SLIT1: variants seen among roughly 807,000 people sequenced by gnomAD.
The protein encoded by SLIT1 is slit homolog 1 protein.
SLIT1 carries 66 observed loss-of-function variants against 186.1 expected under a neutral mutation model. That is an observed-to-expected ratio of 0.35 (90% CI 0.29 to 0.44). SLIT1 has a LOEUF of 0.44. Ranked by LOEUF, SLIT1 falls within the 20% of genes least tolerant of loss-of-function variation. The pLI, the probability that SLIT1 is intolerant of heterozygous loss-of-function variation, is 1.00. For synonymous variants in SLIT1, 761 were observed against 833.8 expected, an observed-to-expected ratio of 0.91 and a Z score of 1.50; for missense variants, 1,638 against 2,037.4, an observed-to-expected ratio of 0.80 and a Z score of 3.77.
chr10:97,053,802 T>C (rs1848812383), intron 13 of SLIT1, among the ~76,000 whole-genome samples: 1 of 152,212 alleles, frequency 6.6e-6, no homozygotes, highest in Admixed American at 6.5e-5. Context: ...ATAAGGATTC[T>C]GTTTTAAAGC....
chr10:97,086,095 T>C (rs954108344), intron 4 of SLIT1, among the ~76,000 whole-genome samples: 2 of 152,238 alleles, frequency 1.3e-5, no homozygotes, highest in African/African-American at 4.8e-5. Flanking sequence ...CCAGTGATCA[T>C]GCTCCTTGGC....
At chr10:97,185,429 G>A (rs981551745) in intron 1 of SLIT1, 49 bp downstream of exon 1, 3 of 1,570,938 alleles carry the variant, frequency 1.9e-6, no homozygotes, top group African/African-American at 1.4e-5. Flanking sequence ...GCGTCTGGGT[G>A]GGAGGGCAAC....
intron 21 of SLIT1, among the ~76,000 whole-genome samples, chr10:97,039,650 A>C (rs1848672943): frequency 1.3e-5 from 2 of 152,228 alleles, no homozygotes; most frequent in Non-Finnish European, 1.5e-5. Flanking sequence ...CTGCTGGTGC[A>C]AAAATCACAT....
intron 4 of SLIT1, among the ~76,000 whole-genome samples, chr10:97,091,047 A>G (rs1849225620): frequency 6.6e-6 from 1 of 152,258 alleles, no homozygotes; most frequent in Non-Finnish European, 1.5e-5. Flanking sequence ...TCATTCGTTG[A>G]CATCAGCTGA....
In SLIT1 at chr10:97,014,190, C is replaced by G. The variant is rs570545564; in HGVS notation, c.2970-32G>C. ...GGGGAAGGGGAGGATGGAGAGACAG[C>G]CCTCTTGGAACACTGGTGGAAGCCT... On this transcript the variant is annotated intron_variant, in intron 28 of 36. Coordinates refer to ENST00000266058, the MANE Select transcript of SLIT1 (RefSeq NM_003061.3). The G allele has an allele frequency of 2.5e-6, 4 of 1,609,990 alleles. No individual in the cohort carries two copies. In the Admixed American group the frequency reaches 6.7e-5, roughly 27 times the overall value.
intron 4 of SLIT1, among the ~76,000 whole-genome samples, chr10:97,091,552 C>T (rs1053287842): frequency 6.6e-6 from 1 of 152,166 alleles, no homozygotes; most frequent in Non-Finnish European, 1.5e-5. Flanking sequence ...AGCTCTCAGC[C>T]CCCCAAATTC....
At chr10:97,144,779 C>A (rs1185092855) in intron 4 of SLIT1, among the ~76,000 whole-genome samples, 1 of 152,306 alleles carries the variant, frequency 6.6e-6, no homozygotes, top group Admixed American at 6.5e-5. Flanking sequence ...AGCATCCAAG[C>A]AATGCGGCAG....
chr10:97,150,864 C>G (rs899465635), intron 4 of SLIT1, among the ~76,000 whole-genome samples: 1 of 152,164 alleles, frequency 6.6e-6, no homozygotes, highest in Non-Finnish European at 1.5e-5. Flanking sequence ...AGGTTTCCAG[C>G]ATATCCCTCT....
chr10:96,999,320 A>AC lies in SLIT1; in HGVS notation c.*1791dup, dbSNP rs1207635497. 2 of 152,184 alleles carry AC rather than the reference A, an allele frequency of 1.3e-5. No individual in the cohort carries two copies. The highest frequency in any genetic ancestry group is 2.9e-5 in the Non-Finnish European group (2 of 68,058). 9.4% of individuals were successfully genotyped at this position (152,184 alleles called of 1,614,324 possible). A position where few individuals can be genotyped will look rare whatever the true frequency, so the allele number is the denominator to read the frequency against. On this transcript the variant is annotated 3_prime_UTR_variant, in exon 37 of 37. Transcript: ENST00000266058. ...GCACTGCCCTCTTCCCATCACAGGG[A>AC]CCCCAGGACTCACAGTTGCTAGATT...
At chr10:97,174,605 C>T (rs1048841049) in intron 1 of SLIT1, among the ~76,000 whole-genome samples, 7 of 152,204 alleles carry the variant, frequency 4.6e-5, no homozygotes, top group Non-Finnish European at 7.3e-5. Flanking sequence ...TCCACCCTTG[C>T]GCCTGGGCTC....
At chr10:97,097,247 C>T (rs1469795157) in intron 4 of SLIT1, among the ~76,000 whole-genome samples, 1 of 152,222 alleles carries the variant, frequency 6.6e-6, no homozygotes, top group African/African-American at 2.4e-5. Context: ...CATGGAGTGC[C>T]TTGATGCTTT....
At chr10:97,082,561 A>G (rs775401735) in intron 4 of SLIT1, among the ~76,000 whole-genome samples, 15 of 152,064 alleles carry the variant, frequency 9.9e-5, no homozygotes, top group Admixed American at 2.6e-4. Context: ...CAGCCTCCCA[A>G]GTAGCTGGGA....
intron 4 of SLIT1, among the ~76,000 whole-genome samples, chr10:97,111,024 T>C (rs1253494437): frequency 6.6e-6 from 1 of 152,014 alleles, no homozygotes; most frequent in Non-Finnish European, 1.5e-5. Flanking sequence ...ACCCCATCTC[T>C]ACTAAAAATA....
chr10:97,103,950 C>T (rs570527947), intron 4 of SLIT1, among the ~76,000 whole-genome samples: 1 of 152,168 alleles, frequency 6.6e-6, no homozygotes, highest in Non-Finnish European at 1.5e-5. Flanking sequence ...AGAACAGTCA[C>T]TCATGCAGTA....
intron 4 of SLIT1, among the ~76,000 whole-genome samples, chr10:97,108,298 C>T (rs560670050): frequency 1.2e-3 from 190 of 152,330 alleles, no homozygotes; most frequent in Non-Finnish European, 2.3e-3. Context: ...GTCACTTTAA[C>T]CACATCACTT....
rs1261301252 is a variant in SLIT1 at position 97,083,697 on chromosome 10, G to C, written c.414-17611C>G. Among the ~76,000 whole-genome samples the C allele has an allele frequency of 2.6e-5, 4 of 152,144 alleles. No individual in the cohort carries two copies. The East Asian group carries it at 7.7e-4, about 29-fold the overall frequency. On this transcript the variant is annotated intron_variant, in intron 4 of 36. Coordinates refer to ENST00000266058, the MANE Select transcript of SLIT1 (RefSeq NM_003061.3). ...CCCTGTCTGCGATGAACATTGCCTG[G>C]GGACTTCTTGCCTCCCAGAATTCCT... is the stretch of plus-strand genomic sequence containing the variant.
In SLIT1 at chr10:97,021,497, C is replaced by G; in HGVS notation, c.2583-84G>C. The G allele has an allele frequency of 1.5e-6, 2 of 1,316,472 alleles. No homozygotes were observed. Among genetic ancestry groups the G allele is most frequent in the Non-Finnish European group, 2.1e-6 (2 of 960,764 alleles). The allele number at this position is 1,316,472 out of a possible 1,614,324, so 81.5% of individuals were successfully genotyped here. ...GGAACCTAGAGTCCCAGGCACTGCA[C>G]CAGGGGCTGGCAAAAATCTTAGCCT... On this transcript the variant is annotated intron_variant, in intron 25 of 36. Coordinates refer to ENST00000266058, the MANE Select transcript of SLIT1 (RefSeq NM_003061.3). This position sits in a 1 kb window ranked among gnomAD's most constrained non-coding sequence, Gnocchi z 4.5.
At chr10:97,142,298 A>G (rs574279822) in intron 4 of SLIT1, among the ~76,000 whole-genome samples, 2 of 152,336 alleles carry the variant, frequency 1.3e-5, no homozygotes, top group African/African-American at 4.8e-5. Flanking sequence ...AGACCAATGG[A>G]ATAGAATAGA....
intron 4 of SLIT1, among the ~76,000 whole-genome samples, chr10:97,076,424 G>A (rs1484762559): frequency 6.6e-6 from 1 of 152,116 alleles, no homozygotes; most frequent in Non-Finnish European, 1.5e-5. Context: ...CTGGGATCTC[G>A]CTGGACCATC....
Sources: gnomAD v4.1 joint callset for allele counts (sites outside exome capture counted in the v4.1 genomes callset) on GRCh38, gnomAD v4.1.1 for gene constraint, Gnocchi (gnomAD v3.1) non-coding constraint, MANE v1.5 for transcripts, NCBI Gene and HGNC (gene_info 2026-07-23, HGNC 2026-07-21) for gene names.